The following INSR variants were observed in gnomAD, a reference collection of about 807,000 sequenced individuals.
INSR encodes insulin receptor.
A neutral mutation model predicts 142.6 loss-of-function variants in INSR; 67 were observed. That is an observed-to-expected ratio of 0.47 (90% CI 0.39 to 0.58). INSR has a LOEUF of 0.58. Ranked by LOEUF, INSR falls within the 20% of genes least tolerant of loss-of-function variation. INSR has a pLI of 0.00. For missense variants in INSR, 1,248 were observed against 1,833.2 expected, an observed-to-expected ratio of 0.68 and a Z score of 5.83; for synonymous variants, 756 against 743.1, an observed-to-expected ratio of 1.02 and a Z score of -0.28.
chr19:7,163,218 A>C lies in INSR; in HGVS notation c.1862-19T>G. Reference sequence around the variant, plus strand: ...GAGGGGTCTGTCAGGGAGAAAGGAAATGGGTCCATCATGAGAAACAGTGTG... The same window carrying C: ...GAGGGGTCTGTCAGGGAGAAAGGAACTGGGTCCATCATGAGAAACAGTGTG... On this transcript the variant is annotated intron_variant, in intron 8 of 21. Transcript: ENST00000302850. 1 of 1,607,858 alleles carries C rather than the reference A, an allele frequency of 6.2e-7. No individual in the cohort carries two copies. Among genetic ancestry groups the C allele is most frequent in the Non-Finnish European group, 8.5e-7 (1 of 1,174,864 alleles).
rs1974507350 is a variant in INSR at position 7,189,006 on chromosome 19, C to T, written c.653-4369G>A. Among the ~76,000 whole-genome samples the T allele has an allele frequency of 3.9e-5, 6 of 151,932 alleles. No homozygotes were observed. In the South Asian group the frequency reaches 1.2e-3, roughly 32 times the overall value. On this transcript the variant is annotated intron_variant, in intron 2 of 21. Transcript: ENST00000302850. ...ATTCTTTGATAGAGACATTTTTAGGCTTGATAGAAATTAACTACAGAGGGT... is the reference window on the plus strand; with the variant it reads ...ATTCTTTGATAGAGACATTTTTAGGTTTGATAGAAATTAACTACAGAGGGT...
Position 7,119,393 on chromosome 19 carries a change from A to G in INSR, c.3794+56T>C. On this transcript the variant is annotated intron_variant, in intron 21 of 21. Coordinates refer to ENST00000302850, the MANE Select transcript of INSR (RefSeq NM_000208.4). The surrounding 1 kb of genome is among the most constrained non-coding windows in gnomAD (Gnocchi z 5.2). ...AAGGCAAAACCAAGCACACGTGTAA[A>G]GGGCAATACCCTTTCAACGAACACC... 5 of 1,608,204 alleles carry G rather than the reference A, an allele frequency of 3.1e-6. No individual in the cohort carries two copies. In the Admixed American group the frequency reaches 6.7e-5, roughly 21 times the overall value.
In INSR at chr19:7,166,003, T is replaced by C. The variant is rs78248456; in HGVS notation, c.1861+151A>G. The C allele has an allele frequency of 0.13, 109,635 of 853,950 alleles. 8,641 individuals are homozygous for C. Among genetic ancestry groups the C allele is most frequent in the Non-Finnish European group, 0.16 (85,205 of 546,786 alleles). 52.9% of individuals were successfully genotyped at this position (853,950 alleles called of 1,614,324 possible). On this transcript the variant is annotated intron_variant, in intron 8 of 21. Transcript: ENST00000302850. The surrounding 1 kb of genome is among the most constrained non-coding windows in gnomAD (Gnocchi z 4.1). ...ATGATCACCCCACTGCATTGCACTCTAGCCTGGGTGACAAAGTAAGACCCT... is the reference window on the plus strand; with the variant it reads ...ATGATCACCCCACTGCATTGCACTCCAGCCTGGGTGACAAAGTAAGACCCT...
chr19:7,205,643 C>G (rs1412931248), intron 2 of INSR, among the ~76,000 whole-genome samples: 1 of 152,106 alleles, frequency 6.6e-6, no homozygotes, highest in Non-Finnish European at 1.5e-5. Context: ...GAGGCTGAAG[C>G]TGGAGGATCA....
chr19:7,185,863 A>G (rs1599960948), intron 2 of INSR, among the ~76,000 whole-genome samples: 1 of 133,948 alleles, frequency 7.5e-6, no homozygotes, highest in Non-Finnish European at 1.6e-5. Flanking sequence ...AAAAAAAGAG[A>G]GAGAGAGACA....
At chr19:7,212,826 A>G (rs1975316321) in intron 2 of INSR, among the ~76,000 whole-genome samples, 1 of 151,874 alleles carries the variant, frequency 6.6e-6, no homozygotes, top group Non-Finnish European at 1.5e-5. Context: ...ACCTCAGGTG[A>G]TCCACCAACC....
At chr19:7,215,472 G>A (rs73488802) in intron 2 of INSR, among the ~76,000 whole-genome samples, 5,100 of 151,014 alleles carry the variant, frequency 0.034, 289 homozygotes, top group African/African-American at 0.12. Flanking sequence ...AGGATGACTC[G>A]AAAGACAGAA....
intron 1 of INSR, among the ~76,000 whole-genome samples, chr19:7,283,629 G>A (rs1030645420): frequency 1.3e-5 from 2 of 152,094 alleles, no homozygotes; most frequent in African/African-American, 2.4e-5. Flanking sequence ...TAGTAGAGAC[G>A]GGGTTTCACC....
chr19:7,190,051 G>A (rs2145005283), intron 2 of INSR, among the ~76,000 whole-genome samples: 1 of 151,972 alleles, frequency 6.6e-6, no homozygotes, highest in South Asian at 2.1e-4. Context: ...TCATCTCAGA[G>A]AAAAGATACT....
In INSR at chr19:7,163,015, C is replaced by T. The variant is rs752875566; in HGVS notation, c.2029+17G>A. Reference sequence around the variant, plus strand: ...TGTGCAAACCCCACCGATCCTAGCACAGCTGCCTGCACTCACCTTTGAGGC... The same window carrying T: ...TGTGCAAACCCCACCGATCCTAGCATAGCTGCCTGCACTCACCTTTGAGGC... On this transcript the variant is annotated intron_variant, in intron 9 of 21. Transcript: ENST00000302850. The T allele has an allele frequency of 8.1e-6, 13 of 1,612,656 alleles. No homozygotes were observed. The East Asian group carries it at 2.5e-4, about 30-fold the overall frequency.
chr19:7,238,691 G>A (rs537930553), intron 2 of INSR, among the ~76,000 whole-genome samples: 3 of 149,406 alleles, frequency 2.0e-5, no homozygotes, highest in South Asian at 2.1e-4. Flanking sequence ...CTCATCTCTC[G>A]TCTCAGCCTT....
intron 10 of INSR, chr19:7,152,493 A>G: frequency 1.7e-6 from 1 of 584,144 alleles, no homozygotes; most frequent in Admixed American, 2.7e-5. Flanking sequence ...GCAAATGCTG[A>G]GTTTTGTCCA....
Position 7,119,360 on chromosome 19 carries a change from A to T in INSR, c.3794+89T>A, listed in dbSNP as rs561234195. 1 of 1,456,168 alleles carries T rather than the reference A, an allele frequency of 6.9e-7. No homozygotes were observed. Among genetic ancestry groups the T allele is most frequent in the South Asian group, 1.1e-5 (1 of 87,524 alleles). 90.2% of individuals were successfully genotyped at this position (1,456,168 alleles called of 1,614,324 possible). ...GCATGCAAACACGGTGAGCGTGTAGACATAGGAAAGGCAAAACCAAGCACA... is the reference window on the plus strand; with the variant it reads ...GCATGCAAACACGGTGAGCGTGTAGTCATAGGAAAGGCAAAACCAAGCACA... On this transcript the variant is annotated intron_variant, in intron 21 of 21. Coordinates refer to ENST00000302850, the MANE Select transcript of INSR (RefSeq NM_000208.4). The surrounding 1 kb of genome is among the most constrained non-coding windows in gnomAD (Gnocchi z 5.2).
At chr19:7,255,976 A>G (rs1976879589) in intron 2 of INSR, among the ~76,000 whole-genome samples, 1 of 152,098 alleles carries the variant, frequency 6.6e-6, no homozygotes, top group Non-Finnish European at 1.5e-5. Flanking sequence ...GGCCAACGGC[A>G]ATTCATCTTC....
intron 1 of INSR, among the ~76,000 whole-genome samples, chr19:7,272,460 A>C (rs578196617): frequency 6.6e-6 from 1 of 151,766 alleles, no homozygotes; most frequent in African/African-American, 2.4e-5. Context: ...TCTACTAAAA[A>C]TACAAAAATT....
intron 2 of INSR, among the ~76,000 whole-genome samples, chr19:7,198,892 C>CT (rs200740237): frequency 7.0e-6 from 1 of 143,346 alleles, no homozygotes; most frequent in African/African-American, 2.5e-5. Context: ...CATAAATACA[C>CT]TTTTTTTGGG....
intron 11 of INSR, 114 bp from the exon 12 acceptor site, chr19:7,143,204 G>T: frequency 8.7e-7 from 1 of 1,145,740 alleles, no homozygotes; most frequent in Non-Finnish European, 1.3e-6. Context: ...GCAGGAGGGT[G>T]CAGCAATGGG....
At chr19:7,189,820 T>C (rs887625454) in intron 2 of INSR, among the ~76,000 whole-genome samples, 8 of 151,908 alleles carry the variant, frequency 5.3e-5, no homozygotes, top group African/African-American at 1.7e-4. Flanking sequence ...CCCACAACCA[T>C]GCCTGGATAA....
chr19:7,132,294 G>A lies in INSR; in HGVS notation c.2706C>T (p.Arg902=). The A allele has an allele frequency of 6.2e-7, 1 of 1,614,166 alleles. No homozygotes were observed. The highest frequency in any genetic ancestry group is 8.5e-7 in the Non-Finnish European group (1 of 1,180,032). Residue 902 remains arginine, a synonymous_variant, in exon 14 of 22, where the codon CGC becomes CGT. Transcript: ENST00000302850. ...GDEELHLCVS[R]KHFALERGCR... is the part of the protein sequence containing the mutation. The stretch of plus-strand genomic sequence containing the variant: ...AGCCCCGTTCCAGAGCGAAGTGCTT[G>A]CGGGAGACGCAGAGATGCAGCTCCT...
Sources: allele counts gnomAD v4.1 joint callset (sites outside exome capture counted in the v4.1 genomes callset), GRCh38; gene constraint gnomAD v4.1.1; non-coding constraint Gnocchi (gnomAD v3.1); transcripts MANE v1.5; gene names NCBI Gene and HGNC (gene_info 2026-07-23, HGNC 2026-07-21).